Variants in PROM1 observed in about 807,000 individuals in gnomAD.
PROM1 encodes the protein prominin 1, also known as prominin-1.
In PROM1, 105 loss-of-function variants were observed where a neutral mutation model predicts 116.9. That is an observed-to-expected ratio of 0.90 (90% CI 0.77 to 1.06). PROM1 has a LOEUF of 1.06. PROM1 is among the 50% of genes least tolerant of loss of function. The pLI is 0.00. For missense variants in PROM1, 1,122 were observed against 1,045.2 expected (o/e 1.07, Z -1.01); for synonymous variants, 393 against 387.0 (o/e 1.02, Z -0.18).
chr4:16,070,885 C>T (rs1341431118), intron 2 of PROM1, among the ~76,000 whole-genome samples: 1 of 152,178 alleles, frequency 6.6e-6, no homozygotes, highest in Non-Finnish European at 1.5e-5. Context: ...GTTCAATGAT[C>T]CCTCCTGGAG....
intron 3 of PROM1, among the ~76,000 whole-genome samples, chr4:16,038,214 G>A (rs1734369029): frequency 6.6e-6 from 1 of 152,154 alleles, no homozygotes; most frequent in Admixed American, 6.5e-5. Flanking sequence ...TCCTCACACA[G>A]CAGGAGCTTC....
intron 23 of PROM1, among the ~76,000 whole-genome samples, chr4:15,981,541 C>T (rs1024565786): frequency 2.0e-5 from 3 of 150,934 alleles, no homozygotes; most frequent in Non-Finnish European, 4.4e-5. Context: ...CACTGCACTC[C>T]AGCCTGGGCA....
intron 2 of PROM1, among the ~76,000 whole-genome samples, chr4:16,074,774 C>T (rs950954706): frequency 6.6e-6 from 1 of 152,164 alleles, no homozygotes; most frequent in African/African-American, 2.4e-5. Flanking sequence ...CTAAATACAT[C>T]CTGTCTCTCT....
At chr4:16,009,470 T>TC (rs972754419) in intron 11 of PROM1, among the ~76,000 whole-genome samples, 2 of 152,220 alleles carry the variant, frequency 1.3e-5, no homozygotes, top group Non-Finnish European at 1.5e-5. Context: ...GTAGATATTC[T>TC]CATTCCCCAT....
At chr4:16,003,493 G>T in intron 13 of PROM1, 2 of 444,754 alleles carry the variant, frequency 4.5e-6, no homozygotes, top group South Asian at 3.1e-5. Flanking sequence ...GATACCTGTG[G>T]CTGCTCTTGG....
intron 2 of PROM1, among the ~76,000 whole-genome samples, chr4:16,040,817 A>C (rs1735036919): frequency 6.6e-6 from 1 of 152,270 alleles, no homozygotes; most frequent in East Asian, 1.9e-4. Flanking sequence ...TGCAGATCAC[A>C]GAACAGTATC....
rs139375481 is a variant in PROM1 at position 16,049,223 on chromosome 4, T to C, written c.221-10222A>G. ...GTCCCTGCTGTTCCTGGGGGAAAGA[T>C]TACTGGGAGGACCTTTGAAAGGAAT... is the stretch of plus-strand genomic sequence containing the variant. On this transcript the variant is annotated intron_variant, in intron 2 of 27. Coordinates refer to ENST00000447510, the MANE Select transcript of PROM1 (RefSeq NM_006017.3). 7.9e-4 allele frequency among the ~76,000 whole-genome samples: 121 copies of C among 152,330 alleles called. 1 individual carries two copies. Among genetic ancestry groups the C allele is most frequent in the African/African-American group, 2.7e-3 (112 of 41,582 alleles).
At chr4:16,060,478 T>G (rs1740055023) in intron 2 of PROM1, among the ~76,000 whole-genome samples, 1 of 152,132 alleles carries the variant, frequency 6.6e-6, no homozygotes, top group Non-Finnish European at 1.5e-5. Context: ...CACGCCCGGC[T>G]AATTTTTGCA....
intron 2 of PROM1, among the ~76,000 whole-genome samples, chr4:16,059,916 A>C (rs1217490055): frequency 1.3e-5 from 2 of 151,770 alleles, no homozygotes; most frequent in Non-Finnish European, 2.9e-5. Context: ...TAAGGATGAG[A>C]GGGCTCTCTA....
At chr4:16,046,506 T>C (rs934315552) in intron 2 of PROM1, among the ~76,000 whole-genome samples, 8 of 152,366 alleles carry the variant, frequency 5.3e-5, no homozygotes, top group South Asian at 4.1e-4. Context: ...AATTTACCTT[T>C]CATCAAGGAA....
chr4:15,989,649 G>T, intron 19 of PROM1, 83 bp downstream of exon 19: 1 of 1,145,906 alleles, frequency 8.7e-7, no homozygotes, highest in Non-Finnish European at 1.3e-6. Flanking sequence ...ATGAGCATGT[G>T]TCGTGAGGCT....
At chr4:16,050,982 TAAAC>T (rs935231226) in intron 2 of PROM1, among the ~76,000 whole-genome samples, 1 of 152,150 alleles carries the variant, frequency 6.6e-6, no homozygotes, top group Admixed American at 6.6e-5. Context: ...AGACAGATAG[TAAAC>T]AAAATAAAGT....
chr4:16,068,246 G>A (rs575271108), intron 2 of PROM1, among the ~76,000 whole-genome samples: 1 of 152,274 alleles, frequency 6.6e-6, no homozygotes, highest in South Asian at 2.1e-4. Context: ...CCACTGTTTA[G>A]GACTAGGCTC....
intron 2 of PROM1, among the ~76,000 whole-genome samples, chr4:16,072,137 C>T (rs1055038798): frequency 2.6e-5 from 4 of 152,154 alleles, no homozygotes; most frequent in African/African-American, 9.7e-5. Context: ...TTAAACTAAT[C>T]TCTTCTGCCC....
intron 20 of PROM1, 129 bp downstream of exon 20, chr4:15,987,534 T>C: frequency 1.0e-6 from 1 of 989,498 alleles, no homozygotes. Context: ...CAATTTGCTA[T>C]TTAAAATAGG....
chr4:16,041,763 TAAATAAATAAATAAATAA>T (rs1560553508), intron 2 of PROM1, among the ~76,000 whole-genome samples: 5 of 59,804 alleles, frequency 8.4e-5, no homozygotes, highest in Non-Finnish European at 1.4e-4. Context: ...AATAAATAAA[TAAATAAATAAATAAATAA>T]ATAAATATAT....
intron 11 of PROM1, among the ~76,000 whole-genome samples, chr4:16,012,606 C>T (rs934945131): frequency 2.6e-5 from 4 of 152,048 alleles, no homozygotes; most frequent in Non-Finnish European, 5.9e-5. Context: ...CACGGTGGCT[C>T]ACGCCTATAA....
chr4:16,067,264 C>A (rs550594110), intron 2 of PROM1, among the ~76,000 whole-genome samples: 2 of 152,284 alleles, frequency 1.3e-5, no homozygotes, highest in South Asian at 4.1e-4. Context: ...GGGTGTGTGA[C>A]CCTAGACACT....
At chr4:16,074,650 A>C (rs1009152136) in intron 2 of PROM1, among the ~76,000 whole-genome samples, 4 of 152,236 alleles carry the variant, frequency 2.6e-5, no homozygotes, top group African/African-American at 9.6e-5. Flanking sequence ...ATTGACAACT[A>C]TACTTCAAGC....
Sources: gnomAD v4.1 joint callset for allele counts (sites outside exome capture counted in the v4.1 genomes callset) on GRCh38, gnomAD v4.1.1 for gene constraint, MANE v1.5 for transcripts, NCBI Gene and HGNC (gene_info 2026-07-23, HGNC 2026-07-21) for gene names.